Variants in MGLL observed in about 807,000 individuals in gnomAD.
The protein encoded by MGLL is monoglyceride lipase, also known as lysophospholipase homolog.
Under a neutral mutation model 29.1 loss-of-function variants are expected in MGLL, and 7 were observed. That is an observed-to-expected ratio of 0.24 (90% CI 0.14 to 0.45). MGLL has a LOEUF of 0.45. Among genes scored for constraint, MGLL ranks in the 20% least tolerant of loss-of-function variants. MGLL has a pLI of 0.99. For synonymous variants in MGLL, 148 were observed against 168.3 expected (o/e 0.88, Z 0.93); for missense variants, 356 against 413.6 (o/e 0.86, Z 1.21).
chr3:127,810,164 T>C (rs2077636327), intron 2 of MGLL, among the ~76,000 whole-genome samples: 1 of 152,076 alleles, frequency 6.6e-6, no homozygotes, highest in African/African-American at 2.4e-5. Context: ...AGAAAGAAGG[T>C]TGGTATCTGT....
At chr3:127,724,672 C>T (rs78863180) in intron 3 of MGLL, among the ~76,000 whole-genome samples, 1,936 of 152,222 alleles carry the variant, frequency 0.013, 21 homozygotes, top group Non-Finnish European at 0.017. Context: ...TGGATGCAGC[C>T]GCTGCTCCTC....
At chr3:127,781,226 G>A (rs1372708032) in intron 3 of MGLL, among the ~76,000 whole-genome samples, 1 of 152,162 alleles carries the variant, frequency 6.6e-6, no homozygotes, top group Non-Finnish European at 1.5e-5. Context: ...ATAGGTACAG[G>A]TGTGTATGTG....
At position 127,761,093 on chromosome 3, in the gene MGLL, T is replaced by C. The variant is rs1039783722; in HGVS notation, c.262+20696A>G. On this transcript the variant is annotated intron_variant, in intron 3 of 7. Transcript: ENST00000265052. The surrounding 1 kb of genome is among the most constrained non-coding windows in gnomAD (Gnocchi z 4.6). ...ACCATCATTTCTGTGAAATGCCTTG[T>C]AATTCTGCAAGCCTTCACTGAGCAG... is the stretch of plus-strand genomic sequence containing the variant. 6.6e-6 allele frequency among the ~76,000 whole-genome samples: 1 copy of C among 152,274 alleles called. No individual in the cohort carries two copies. The highest frequency in any genetic ancestry group is 1.5e-5 in the Non-Finnish European group (1 of 68,050).
intron 3 of MGLL, among the ~76,000 whole-genome samples, chr3:127,771,352 T>C (rs557346168): frequency 1.3e-5 from 2 of 152,012 alleles, no homozygotes; most frequent in Non-Finnish European, 2.9e-5. Flanking sequence ...AGTTATGCAT[T>C]TTATTTTATT....
intron 2 of MGLL, among the ~76,000 whole-genome samples, chr3:127,793,719 G>T (rs1350508623): frequency 6.6e-6 from 1 of 152,054 alleles, no homozygotes; most frequent in South Asian, 2.1e-4. Flanking sequence ...CTGCCACCAC[G>T]CCCAGCTAAT....
chr3:127,803,893 C>T (rs1178778375), intron 2 of MGLL, among the ~76,000 whole-genome samples: 1 of 152,178 alleles, frequency 6.6e-6, no homozygotes, highest in Non-Finnish European at 1.5e-5. Flanking sequence ...ACTAGCTCAC[C>T]ACCACTTTCA....
chr3:127,728,026 T>C (rs1298122629), intron 3 of MGLL, among the ~76,000 whole-genome samples: 1 of 152,242 alleles, frequency 6.6e-6, no homozygotes, highest in Non-Finnish European at 1.5e-5. Flanking sequence ...TGTGTGCTTA[T>C]GTTACTAATT....
At chr3:127,714,149 C>A (rs1308956712) in intron 5 of MGLL, 1 of 150,904 alleles carries the variant, frequency 6.6e-6, no homozygotes, top group Non-Finnish European at 1.5e-5. Flanking sequence ...AGAAAATGAA[C>A]AATGCAAGGG....
intron 2 of MGLL, among the ~76,000 whole-genome samples, chr3:127,799,164 C>T (rs890662504): frequency 6.6e-6 from 1 of 152,198 alleles, no homozygotes; most frequent in African/African-American, 2.4e-5. Flanking sequence ...AGGGAGGACA[C>T]TCACGGCTGT....
chr3:127,792,307 G>A (rs898771103), intron 2 of MGLL, among the ~76,000 whole-genome samples: 24 of 152,210 alleles, frequency 1.6e-4, no homozygotes, highest in Non-Finnish European at 2.6e-4. Context: ...GTTCGAGAAA[G>A]GCTGGAGTAA....
chr3:127,696,768 T>C (rs922520560), intron 6 of MGLL, among the ~76,000 whole-genome samples: 1 of 151,952 alleles, frequency 6.6e-6, no homozygotes, highest in African/African-American at 2.4e-5. Flanking sequence ...TCTTGGTGGG[T>C]TGGGGAGGGG....
At chr3:127,703,460 G>A (rs1335307199) in intron 6 of MGLL, among the ~76,000 whole-genome samples, 1 of 152,220 alleles carries the variant, frequency 6.6e-6, no homozygotes, top group Non-Finnish European at 1.5e-5. Flanking sequence ...GGGAATGACT[G>A]TTACTTTTCC....
intron 2 of MGLL, among the ~76,000 whole-genome samples, chr3:127,806,787 G>A (rs1370661813): frequency 6.6e-6 from 1 of 152,140 alleles, no homozygotes; most frequent in African/African-American, 2.4e-5. Flanking sequence ...AGCACTTTGG[G>A]AGGCCGAGGC....
In MGLL at chr3:127,691,751, G is replaced by A. The variant is rs1559899590; in HGVS notation, c.*447C>T. 4 of 218,544 alleles carry A rather than the reference G, an allele frequency of 1.8e-5. No individual in the cohort carries two copies. Among genetic ancestry groups the A allele is most frequent in the Non-Finnish European group, 3.7e-5 (4 of 107,940 alleles). 13.5% of individuals were successfully genotyped at this position (218,544 alleles called of 1,614,324 possible). On this transcript the variant is annotated 3_prime_UTR_variant, in exon 8 of 8. Transcript: ENST00000265052. ...GGAGACAGCAACCACCTCATCACAC[G>A]GCCAGAGGAAGGCCACCAAGCGGAG...
intron 2 of MGLL, among the ~76,000 whole-genome samples, chr3:127,783,450 C>T (rs984035360): frequency 6.6e-6 from 1 of 152,272 alleles, no homozygotes; most frequent in Middle Eastern, 3.4e-3. Flanking sequence ...TGACATCAGC[C>T]CACAACCTTC....
intron 3 of MGLL, among the ~76,000 whole-genome samples, chr3:127,774,008 G>A (rs895284909): frequency 4.6e-5 from 7 of 152,138 alleles, no homozygotes; most frequent in African/African-American, 4.8e-5. Flanking sequence ...GCCTCAGGTC[G>A]TTCAGAAATC....
chr3:127,785,390 C>T (rs922306926), intron 2 of MGLL, among the ~76,000 whole-genome samples: 2 of 152,262 alleles, frequency 1.3e-5, no homozygotes, highest in African/African-American at 4.8e-5. Flanking sequence ...CTCCAGGCTT[C>T]CTGATGGAAG....
At chr3:127,740,287 T>C (rs1381042175) in intron 3 of MGLL, among the ~76,000 whole-genome samples, 1 of 152,150 alleles carries the variant, frequency 6.6e-6, no homozygotes, top group Admixed American at 6.5e-5. Context: ...AACCCTGCCA[T>C]CCTCCCCAGC....
intron 3 of MGLL, among the ~76,000 whole-genome samples, chr3:127,769,549 G>A (rs1430538838): frequency 6.6e-6 from 1 of 152,204 alleles, no homozygotes; most frequent in Non-Finnish European, 1.5e-5. Context: ...AGATGGCAAG[G>A]CCCAGGGAGG....
Sources: gnomAD v4.1 joint callset for allele counts (sites outside exome capture counted in the v4.1 genomes callset) on GRCh38, gnomAD v4.1.1 for gene constraint, Gnocchi (gnomAD v3.1) non-coding constraint, MANE v1.5 for transcripts, NCBI Gene and HGNC (gene_info 2026-07-23, HGNC 2026-07-21) for gene names.